PACC1: variants seen among roughly 807,000 people sequenced by gnomAD.
The protein encoded by PACC1 is proton activated chloride channel 1, also known as proton-activated chloride channel.
A neutral mutation model predicts 39.7 loss-of-function variants in PACC1; 34 were observed. The ratio of observed to expected loss-of-function variants is 0.86; its 90% CI spans 0.65 to 1.14. The LOEUF is 1.14. Ranked by LOEUF, PACC1 falls within the 50% of genes most tolerant of loss-of-function variation. The probability of loss-of-function intolerance (pLI) is 0.00; values close to 1 mark genes in which losing one functional copy is unlikely to be tolerated. For synonymous variants in PACC1, 127 were observed against 160.6 expected, an observed-to-expected ratio of 0.79 and a Z score of 1.58; for missense variants, 379 against 436.4, an observed-to-expected ratio of 0.87 and a Z score of 1.17.
intron 2 of PACC1, among the ~76,000 whole-genome samples, chr1:212,388,154 A>T (rs1661174936): frequency 6.6e-6 from 1 of 151,860 alleles, no homozygotes; most frequent in Non-Finnish European, 1.5e-5. Flanking sequence ...CAGTGTTCCC[A>T]GGGAGCCCTG....
intron 6 of PACC1, chr1:212,376,885 C>T (rs887538653): frequency 1.3e-5 from 2 of 152,190 alleles, no homozygotes; most frequent in Admixed American, 6.5e-5. Flanking sequence ...TCCCGAGCCA[C>T]TGGGATACAA....
In PACC1 at chr1:212,396,354, G is replaced by C. The variant is rs1661516204; in HGVS notation, c.134-9254C>G. On this transcript the variant is annotated intron_variant, in intron 2 of 7. Transcript: ENST00000261455. ...TCACAAGGACAAAAAACCAAACACTGCATGTTCTCACTCATAGGTGGGAAC... is the reference window on the plus strand; with the variant it reads ...TCACAAGGACAAAAAACCAAACACTCCATGTTCTCACTCATAGGTGGGAAC... Among the ~76,000 whole-genome samples the C allele has an allele frequency of 2.6e-5, 4 of 152,114 alleles. No homozygotes were observed. The South Asian group carries it at 8.3e-4, about 32-fold the overall frequency.
At position 212,414,875 on chromosome 1, in the gene PACC1, G is replaced by C. The variant is rs1030863750; in HGVS notation, c.-118C>G. 16 of 1,370,078 alleles carry C rather than the reference G, an allele frequency of 1.2e-5. 1 individual carries two copies. The Admixed American group carries it at 2.1e-4, about 18-fold the overall frequency. The allele number at this position is 1,370,078 out of a possible 1,614,324, so 84.9% of individuals were successfully genotyped here. A position where few individuals can be genotyped will look rare whatever the true frequency, so the allele number is the denominator to read the frequency against. On this transcript the variant is annotated 5_prime_UTR_variant, in exon 1 of 8. Transcript: ENST00000261455. ...CCGCGAGGCGAAACCGGTCCGGAGG[G>C]GCGTCCCAGAGACCAGGCGTGGCGA...
At chr1:212,406,381 A>G (rs898571163) in intron 2 of PACC1, among the ~76,000 whole-genome samples, 3 of 152,070 alleles carry the variant, frequency 2.0e-5, no homozygotes, top group Admixed American at 2.0e-4. Context: ...GCCAGGAATG[A>G]TTGCAAGTGC....
At chr1:212,385,190 C>A in intron 4 of PACC1, 84 bp downstream of exon 4, 1 of 1,525,582 alleles carries the variant, frequency 6.6e-7, no homozygotes, top group South Asian at 1.1e-5. Context: ...AAGAAGGACT[C>A]CTAGGAAAAA....
At position 212,386,984 on chromosome 1, in the gene PACC1, G is replaced by C. The variant is rs1558172832; in HGVS notation, c.250C>G (p.Leu84Val). The C allele has an allele frequency of 6.2e-7, 1 of 1,614,226 alleles. No homozygotes were observed. Among genetic ancestry groups the C allele is most frequent in the Non-Finnish European group, 8.5e-7 (1 of 1,180,036 alleles). Residue 84 changes from leucine to valine, a missense_variant, in exon 3 of 8, where the codon CTG (leucine) becomes GTG (valine). Physicochemically the swap from Leu to Val is conservative, Grantham distance 32 (BLOSUM62 1). Transcript: ENST00000261455. This position sits in a 1 kb window ranked among gnomAD's most constrained non-coding sequence, Gnocchi z 5.0. ...AAGTCTGTGATGGTCCGGTAGACCA[G>C]GAAGACGGCCACAGCCATGAGCAGC... ...YLLLMAVAVF[L>V]VYRTITDFRE...
In PACC1 at chr1:212,365,267, AT is replaced by A. The variant is rs1326653275; in HGVS notation, c.1000del (p.Ile334LeufsTer16). 5 of 1,613,720 alleles carry A rather than the reference AT, an allele frequency of 3.1e-6. No homozygotes were observed. Among genetic ancestry groups the A allele is most frequent in the Non-Finnish European group, 4.2e-6 (5 of 1,179,894 alleles). ...AKLSIKWMIK[I>X]RKRYLKRRGQ... ...TCTTCTTTTAAGGTATCTCTTTCTA[AT>A]TTTGATCATCCATTTTATACTCAGT... On this transcript the variant is annotated frameshift_variant, in exon 8 of 8. Coordinates refer to ENST00000261455, the MANE Select transcript of PACC1 (RefSeq NM_018252.3). LOFTEE classifies it high-confidence loss of function.
intron 1 of PACC1, among the ~76,000 whole-genome samples, chr1:212,413,728 G>A (rs1662219380): frequency 6.6e-6 from 1 of 152,196 alleles, no homozygotes; most frequent in Admixed American, 6.5e-5. Context: ...GGACTGTTCT[G>A]GGCAGACGAA....
chr1:212,412,982 AG>A (rs991649366), intron 1 of PACC1, among the ~76,000 whole-genome samples: 12 of 152,240 alleles, frequency 7.9e-5, no homozygotes, highest in African/African-American at 2.9e-4. Flanking sequence ...ACTCAATAAA[AG>A]TCACACAAAC....
intron 2 of PACC1, among the ~76,000 whole-genome samples, chr1:212,390,268 C>G (rs949646742): frequency 1.3e-5 from 2 of 151,582 alleles, no homozygotes; most frequent in Non-Finnish European, 1.5e-5. Context: ...ACTAAAAATA[C>G]AAAAATGAGC....
At chr1:212,373,325 C>G (rs1265120913) in intron 7 of PACC1, among the ~76,000 whole-genome samples, 1 of 150,772 alleles carries the variant, frequency 6.6e-6, no homozygotes, top group Non-Finnish European at 1.5e-5. Flanking sequence ...GAAACTAGAC[C>G]CCTATCTCTT....
intron 5 of PACC1, 37 bp downstream of exon 5, chr1:212,379,858 G>C (rs1213859974): frequency 6.2e-7 from 1 of 1,612,402 alleles, no homozygotes; most frequent in Admixed American, 1.7e-5. Flanking sequence ...AAGATAAAAA[G>C]TAGACAGTAA....
chr1:212,385,319 G>T lies in PACC1; in HGVS notation c.450C>A (p.Thr150=). Residue 150 remains threonine (T), a synonymous_variant, in exon 4 of 8, where the codon ACC becomes ACA. Transcript: ENST00000261455. ...SPGQPGDMNC[T]TQRINYTDPF... Reference sequence around the variant, plus strand: ...GGTCCGTGTAGTTGATCCTCTGGGTGGTGCAATTCATGTCACCCGGCTGGC... The same window carrying T: ...GGTCCGTGTAGTTGATCCTCTGGGTTGTGCAATTCATGTCACCCGGCTGGC... The T allele has an allele frequency of 6.2e-7, 1 of 1,614,122 alleles. No individual in the cohort carries two copies. The highest frequency in any genetic ancestry group is 1.1e-5 in the South Asian group (1 of 91,080).
chr1:212,368,290 G>A (rs1660317043), intron 7 of PACC1, among the ~76,000 whole-genome samples: 1 of 152,212 alleles, frequency 6.6e-6, no homozygotes, highest in African/African-American at 2.4e-5. Flanking sequence ...AGGGCAGACT[G>A]TGAAGACTGA....
At chr1:212,394,206 G>A (rs6692305) in intron 2 of PACC1, among the ~76,000 whole-genome samples, 10,278 of 152,184 alleles carry the variant, frequency 0.068, 1,144 homozygotes, top group African/African-American at 0.23. Flanking sequence ...CTGGCAAACC[G>A]AATCCAGCAG....
rs776557783 is a variant in PACC1 at position 212,410,437 on chromosome 1, C to G, written c.121G>C (p.Gly41Arg). The G allele has an allele frequency of 6.2e-7, 1 of 1,614,144 alleles. No individual in the cohort carries two copies. Among genetic ancestry groups the G allele is most frequent in the South Asian group, 1.1e-5 (1 of 91,076 alleles). Residue 41 changes from glycine to arginine, a missense_variant, in exon 2 of 8, where the codon GGT (glycine) becomes CGT (arginine). Physicochemically the swap from Gly to Arg is moderately radical, Grantham distance 125. Transcript: ENST00000261455. ...DKETVRVQGPGILPGLDSESA... is the reference protein window; with the variant it reads ...DKETVRVQGPRILPGLDSESA... ...CAAACGCACTCACCTGGTAAGATAC[C>G]CGGACCTTGGACTCTGACCGTCTCC...
At chr1:212,380,172 C>A (rs1033515561) in intron 4 of PACC1, 135 bp from the exon 5 acceptor site, 3 of 881,776 alleles carry the variant, frequency 3.4e-6, no homozygotes, top group South Asian at 3.5e-5. Context: ...TAGCCAACAA[C>A]AGGACTGGGC....
chr1:212,367,928 C>A (rs1571624270), intron 7 of PACC1, among the ~76,000 whole-genome samples: 1 of 152,248 alleles, frequency 6.6e-6, no homozygotes, highest in East Asian at 1.9e-4. Context: ...TTAAGCAAAC[C>A]CCAGTATTGC....
chr1:212,401,675 C>CTT (rs1160607066), intron 2 of PACC1, among the ~76,000 whole-genome samples: 16 of 131,802 alleles, frequency 1.2e-4, no homozygotes, highest in Admixed American at 2.3e-4. Flanking sequence ...GCATCAGTTC[C>CTT]TTTTTTTTTT....
Sources: allele counts gnomAD v4.1 joint callset (sites outside exome capture counted in the v4.1 genomes callset), GRCh38; gene constraint gnomAD v4.1.1; non-coding constraint Gnocchi (gnomAD v3.1); transcripts MANE v1.5; gene names NCBI Gene and HGNC (gene_info 2026-07-23, HGNC 2026-07-21).